DCHS2: variants seen among roughly 807,000 people sequenced by gnomAD.
DCHS2 encodes the protein protocadherin-23.
Under a neutral mutation model 182.4 loss-of-function variants are expected in DCHS2, and 142 were observed. The observed-to-expected ratio is 0.78, with a 90% CI of 0.68 to 0.89. The LOEUF (loss-of-function observed/expected upper bound fraction) is 0.89. Among genes scored for constraint, DCHS2 ranks in the 40% least tolerant of loss-of-function variants. The probability of loss-of-function intolerance (pLI) is 0.00; values close to 1 mark genes in which losing one functional copy is unlikely to be tolerated. For synonymous variants in DCHS2, 1,740 were observed against 1,663.3 expected, an observed-to-expected ratio of 1.05 and a Z score of -1.12; for missense variants, 4,319 against 4,198.6, an observed-to-expected ratio of 1.03 and a Z score of -0.79.
At chr4:154,265,260 G>A (rs982928136) in intron 14 of DCHS2, among the ~76,000 whole-genome samples, 2 of 152,106 alleles carry the variant, frequency 1.3e-5, no homozygotes, top group African/African-American at 4.8e-5. Flanking sequence ...AATGTACTTA[G>A]GAGAAATCTA....
chr4:154,278,740 G>A (rs903091345), intron 13 of DCHS2, among the ~76,000 whole-genome samples: 1 of 152,116 alleles, frequency 6.6e-6, no homozygotes, highest in Non-Finnish European at 1.5e-5. Context: ...TACTCAAAGG[G>A]CTGAAAGTAA....
intron 1 of DCHS2, among the ~76,000 whole-genome samples, chr4:154,437,715 C>T (rs1288582963): frequency 1.3e-5 from 2 of 152,048 alleles, no homozygotes; most frequent in Non-Finnish European, 2.9e-5. Context: ...ACTTACAGTA[C>T]CTCTTTCAAC....
chr4:154,337,533 T>C (rs1223277902), intron 3 of DCHS2, among the ~76,000 whole-genome samples: 1 of 152,102 alleles, frequency 6.6e-6, no homozygotes, highest in Admixed American at 6.6e-5. Flanking sequence ...AAGCTATTCA[T>C]AAATGGCCCC....
intron 1 of DCHS2, among the ~76,000 whole-genome samples, chr4:154,482,424 C>G (rs1225095892): frequency 6.6e-6 from 1 of 152,076 alleles, no homozygotes; most frequent in Non-Finnish European, 1.5e-5. Context: ...CTGAGTCCAT[C>G]GTCAAGAGAT....
chr4:154,307,441 G>GCACA (rs34718837), intron 10 of DCHS2, among the ~76,000 whole-genome samples: 54 of 150,082 alleles, frequency 3.6e-4, no homozygotes, highest in Middle Eastern at 3.4e-3. Flanking sequence ...ATGTGCGCGC[G>GCACA]CACACACACA....
In DCHS2 at chr4:154,236,595, A is replaced by C; in HGVS notation, c.8057T>G (p.Val2686Gly). ...ESTPLGSHIT[V>G]VSANDRDTGS... is the part of the protein sequence containing the mutation. ...TGTGTCACGGTCATTTGCTGAGACC[A>C]CAGTGATGTGACTCCCTAGAGGGGT... The change falls in exon 20 of 20, where the codon GTG becomes GGG. Residue 2686 changes from valine (V) to glycine (G), a missense_variant. By Grantham distance (109) the Val-to-Gly change is moderately radical. Coordinates refer to ENST00000357232, the MANE Select transcript of DCHS2 (RefSeq NM_001358235.2). 6.2e-7 allele frequency: 1 copy of C among 1,614,078 alleles called. No homozygotes were observed. Among genetic ancestry groups the C allele is most frequent in the Non-Finnish European group, 8.5e-7 (1 of 1,179,978 alleles).
intron 3 of DCHS2, among the ~76,000 whole-genome samples, chr4:154,345,110 T>A (rs900798136): frequency 6.6e-6 from 1 of 152,164 alleles, no homozygotes; most frequent in Non-Finnish European, 1.5e-5. Context: ...CCTGTAACAG[T>A]GTCTTGGGGC....
intron 1 of DCHS2, among the ~76,000 whole-genome samples, chr4:154,447,018 A>C (rs1734327611): frequency 6.6e-6 from 1 of 152,132 alleles, no homozygotes; most frequent in African/African-American, 2.4e-5. Flanking sequence ...TGGGCCATGC[A>C]CAGTGGCTTA....
rs1731317387 is a variant in DCHS2, at chr4:154,234,007, A to G, written c.*529T>C. 1 of 152,038 alleles carries G rather than the reference A, an allele frequency of 6.6e-6. No individual in the cohort carries two copies. The highest frequency in any genetic ancestry group is 6.6e-5 in the Admixed American group (1 of 15,250). The allele number at this position is 152,038 out of a possible 1,614,324, so 9.4% of individuals were successfully genotyped here. A position where few individuals can be genotyped will look rare whatever the true frequency, so the allele number is the denominator to read the frequency against. On this transcript the variant is annotated 3_prime_UTR_variant, in exon 20 of 20. Coordinates refer to ENST00000357232, the MANE Select transcript of DCHS2 (RefSeq NM_001358235.2). ...AACTCTACAGGTGTGGTATATGGGGAAAAATGGAGAAATACTCCTCTAAAT... is the reference window on the plus strand; with the variant it reads ...AACTCTACAGGTGTGGTATATGGGGGAAAATGGAGAAATACTCCTCTAAAT...
At chr4:154,394,386 C>T (rs1731846534) in intron 1 of DCHS2, among the ~76,000 whole-genome samples, 1 of 152,142 alleles carries the variant, frequency 6.6e-6, no homozygotes, top group East Asian at 1.9e-4. Context: ...TCTGGTTTTC[C>T]CTCTTAGCAG....
rs763503191 is a variant in DCHS2 at position 154,240,758 on chromosome 4, T to C, written c.7138A>G (p.Ile2380Val). The C allele has an allele frequency of 4.9e-5, 79 of 1,613,822 alleles. No homozygotes were observed. Among genetic ancestry groups the C allele is most frequent in the Non-Finnish European group, 5.6e-5 (66 of 1,179,916 alleles). ...VHDVDLNSAF[I>V]FSFAKESNPG... The stretch of plus-strand genomic sequence containing the variant: ...TTACTCTCTTTGGCAAAACTGAATA[T>C]GAAAGCTGAATTCAAATCCACATCA... The change falls in exon 18 of 20, where the codon ATA (isoleucine) becomes GTA (valine). Residue 2380 changes from isoleucine (I) to valine (V), a missense_variant. Transcript: ENST00000357232.
chr4:154,453,174 G>A (rs1734608827), intron 1 of DCHS2, among the ~76,000 whole-genome samples: 1 of 151,982 alleles, frequency 6.6e-6, no homozygotes, highest in Non-Finnish European at 1.5e-5. Flanking sequence ...TCCAGCTGGA[G>A]CTCCTGAAGG....
chr4:154,429,014 G>T (rs1050707350), intron 1 of DCHS2, among the ~76,000 whole-genome samples: 2 of 152,234 alleles, frequency 1.3e-5, no homozygotes, highest in Non-Finnish European at 2.9e-5. Context: ...TAAGTTCAGG[G>T]TTTTAGCAGA....
Position 154,304,867 on chromosome 4 carries a change from C to A in DCHS2, c.5407G>T (p.Asp1803Tyr), listed in dbSNP as rs1391508380. The change falls in exon 12 of 20, where the codon GAT (aspartate) becomes TAT (tyrosine). Residue 1803 changes from aspartate (D) to tyrosine (Y), a missense_variant. Coordinates refer to ENST00000357232, the MANE Select transcript of DCHS2 (RefSeq NM_001358235.2). ...CTGGACAATGAAGGGAATCCCCCAT[C>A]TCGTACTAGTACTGACACAGAACAC... is the stretch of plus-strand genomic sequence containing the variant. ...EVFTLRVLVRDGGFPSLSSTT... is the reference protein window; with the variant it reads ...EVFTLRVLVRYGGFPSLSSTT... 4 of 1,611,080 alleles carry A rather than the reference C, an allele frequency of 2.5e-6. No individual in the cohort carries two copies. The highest frequency in any genetic ancestry group is 2.5e-6 in the Non-Finnish European group (3 of 1,178,708).
chr4:154,373,990 A>C, intron 2 of DCHS2: 1 of 1,155,054 alleles, frequency 8.7e-7, no homozygotes, highest in Non-Finnish European at 1.2e-6. Context: ...TTGGAGGTGG[A>C]TATTTTAATA....
chr4:154,468,821 C>T (rs950555222), intron 1 of DCHS2, among the ~76,000 whole-genome samples: 16 of 151,946 alleles, frequency 1.1e-4, no homozygotes, highest in African/African-American at 3.9e-4. Context: ...ATATTTATTG[C>T]CTACTATGTA....
intron 1 of DCHS2, among the ~76,000 whole-genome samples, chr4:154,462,903 T>A (rs1455868840): frequency 6.6e-6 from 1 of 152,056 alleles, no homozygotes; most frequent in East Asian, 1.9e-4. Flanking sequence ...ATTGCACAAC[T>A]AATATGTATA....
intron 1 of DCHS2, among the ~76,000 whole-genome samples, chr4:154,405,384 C>T (rs1163238546): frequency 6.6e-6 from 1 of 151,076 alleles, no homozygotes; most frequent in African/African-American, 2.4e-5. Flanking sequence ...GCTAATGTTC[C>T]TAGATATGGA....
chr4:154,315,700 C>T (rs774867962), intron 10 of DCHS2, 48 bp downstream of exon 10: 14 of 1,583,708 alleles, frequency 8.8e-6, no homozygotes, highest in African/African-American at 1.4e-5. Flanking sequence ...TTATAATCTT[C>T]AATTTCTTTT....
Sources: gnomAD v4.1 joint callset for allele counts (sites outside exome capture counted in the v4.1 genomes callset) on GRCh38, gnomAD v4.1.1 for gene constraint, MANE v1.5 for transcripts, NCBI Gene and HGNC (gene_info 2026-07-23, HGNC 2026-07-21) for gene names.